The following CACNB4 variants were observed in gnomAD, a reference collection of about 807,000 sequenced individuals.
CACNB4 encodes the protein calcium voltage-gated channel auxiliary subunit beta 4, also known as voltage-dependent L-type calcium channel subunit beta-4.
CACNB4 carries 32 observed loss-of-function variants against 71.2 expected under a neutral mutation model. That is an observed-to-expected ratio of 0.45 (90% CI 0.34 to 0.60). CACNB4 has a LOEUF of 0.60. CACNB4 is among the 20% of genes least tolerant of loss of function. CACNB4 has a pLI of 0.01. For missense variants in CACNB4, 464 were observed against 647.9 expected (o/e 0.72, Z 3.08); for synonymous variants, 231 against 236.9 (o/e 0.97, Z 0.23).
chr2:151,894,688 A>G (rs1482722884), intron 2 of CACNB4, among the ~76,000 whole-genome samples: 1 of 152,306 alleles, frequency 6.6e-6, no homozygotes, highest in East Asian at 1.9e-4. Context: ...AACTCTTAGA[A>G]CTGATAAACA....
rs70974815 is a variant in CACNB4, at chr2:151,998,315, C to CAAAAA, written c.147+100010_147+100014dup. ...AATCCAGCCTGGGCAACTCCATCTC[C>CAAAAA]AAAAAAAAAAAAAAAAAAAAAAAAA... On this transcript the variant is annotated intron_variant, in intron 2 of 13. Transcript: ENST00000539935. Among the ~76,000 whole-genome samples the CAAAAA allele has an allele frequency of 1.3e-4, 14 of 110,720 alleles. 1 individual carries two copies. The highest frequency in any genetic ancestry group is 5.6e-4 in the African/African-American group (14 of 24,948). 72.6% of individuals were successfully genotyped at this position (110,720 alleles called of 152,430 possible). A position where few individuals can be genotyped will look rare whatever the true frequency, so the allele number is the denominator to read the frequency against.
intron 2 of CACNB4, among the ~76,000 whole-genome samples, chr2:151,923,629 G>A (rs1162534886): frequency 6.6e-6 from 1 of 152,190 alleles, no homozygotes; most frequent in African/African-American, 2.4e-5. Flanking sequence ...ATTTCAGACT[G>A]GCCTACAGAA....
At chr2:151,921,138 AAAAT>A (rs70974809) in intron 2 of CACNB4, among the ~76,000 whole-genome samples, 58,008 of 137,042 alleles carry the variant, frequency 0.42, 14,698 homozygotes, top group Non-Finnish European at 0.58. Context: ...CTCCGTCTCA[AAAAT>A]AAATAAATAA....
intron 2 of CACNB4, among the ~76,000 whole-genome samples, chr2:151,892,829 C>A (rs763214514): frequency 6.6e-6 from 1 of 152,116 alleles, no homozygotes; most frequent in African/African-American, 2.4e-5. Flanking sequence ...ATGGAGACCC[C>A]AATACTGCCC....
intron 2 of CACNB4, among the ~76,000 whole-genome samples, chr2:151,980,286 T>C (rs777214348): frequency 1.4e-4 from 21 of 152,154 alleles, no homozygotes; most frequent in Non-Finnish European, 2.8e-4. Context: ...AGGTCTAGTG[T>C]GTAGTGTGGC....
In CACNB4 at chr2:152,016,501, T is replaced by A. The variant is rs542057598; in HGVS notation, c.147+81829A>T. ...AACAAAGCCACTACTCTGGTTTGAA[T>A]CCTTTGATGAGTCTCATCGTTTGAG... On this transcript the variant is annotated intron_variant, in intron 2 of 13. Coordinates refer to ENST00000539935, the MANE Select transcript of CACNB4 (RefSeq NM_000726.5). Among the ~76,000 whole-genome samples, 9 of 152,328 alleles carry A rather than the reference T, an allele frequency of 5.9e-5. No homozygotes were observed. In the South Asian group the frequency reaches 1.9e-3, roughly 32 times the overall value.
chr2:152,093,398 T>G (rs895110618), intron 2 of CACNB4, among the ~76,000 whole-genome samples: 1 of 137,480 alleles, frequency 7.3e-6, no homozygotes, highest in African/African-American at 3.2e-5. Flanking sequence ...TTGCTGTTTT[T>G]TGGTGTGTGT....
intron 9 of CACNB4, among the ~76,000 whole-genome samples, chr2:151,865,500 T>G (rs949977863): frequency 1.3e-5 from 2 of 152,236 alleles, no homozygotes; most frequent in African/African-American, 2.4e-5. Flanking sequence ...AACAACTTTT[T>G]GGGGGATTTG....
chr2:151,973,706 T>C, intron 2 of CACNB4: 1 of 1,613,538 alleles, frequency 6.2e-7, no homozygotes, highest in African/African-American at 1.3e-5. Flanking sequence ...GTACAAATTG[T>C]CATACATGGA....
chr2:151,906,480 G>T (rs2099854847), intron 2 of CACNB4, among the ~76,000 whole-genome samples: 1 of 152,158 alleles, frequency 6.6e-6, no homozygotes, highest in Admixed American at 6.5e-5. Flanking sequence ...CCTAAGAGCA[G>T]TTACTCTATC....
chr2:151,932,889 G>A (rs1169807538), intron 2 of CACNB4, among the ~76,000 whole-genome samples: 2 of 151,220 alleles, frequency 1.3e-5, no homozygotes, highest in Non-Finnish European at 1.5e-5. Context: ...ACACTAGAGG[G>A]AAGAGAATGT....
At chr2:152,061,405 C>A (rs940285203) in intron 2 of CACNB4, among the ~76,000 whole-genome samples, 2 of 152,006 alleles carry the variant, frequency 1.3e-5, no homozygotes, top group African/African-American at 2.4e-5. Context: ...CAAATGATTA[C>A]TAATTGAATA....
intron 2 of CACNB4, among the ~76,000 whole-genome samples, chr2:152,065,724 T>C (rs1210686441): frequency 2.0e-5 from 3 of 152,168 alleles, no homozygotes; most frequent in African/African-American, 7.2e-5. Context: ...CTATATGTCC[T>C]CACATTAAGC....
rs1190314459 is a variant in CACNB4 at position 151,893,728 on chromosome 2, T to C, written c.148-10358A>G. Among the ~76,000 whole-genome samples the C allele has an allele frequency of 2.0e-5, 3 of 152,058 alleles. No homozygotes were observed. The East Asian group carries it at 5.8e-4, about 29-fold the overall frequency. ...AGAAGCCATGAAAAGAAAAGATTGA[T>C]AAATCTGACTACATAAAAATCTTAA... is the stretch of plus-strand genomic sequence containing the variant. On this transcript the variant is annotated intron_variant, in intron 2 of 13. Transcript: ENST00000539935.
intron 2 of CACNB4, among the ~76,000 whole-genome samples, chr2:151,943,385 G>T (rs926975562): frequency 1.3e-5 from 2 of 152,188 alleles, no homozygotes; most frequent in African/African-American, 2.4e-5. Flanking sequence ...CAAATTTAGG[G>T]TTGACCATGA....
intron 2 of CACNB4, among the ~76,000 whole-genome samples, chr2:151,949,580 T>C (rs1238724248): frequency 1.3e-5 from 2 of 152,166 alleles, no homozygotes; most frequent in South Asian, 2.1e-4. Flanking sequence ...GTGGCTGATA[T>C]GCAAGGATGG....
chr2:151,952,044 T>C (rs1166751729), intron 2 of CACNB4, among the ~76,000 whole-genome samples: 1 of 152,174 alleles, frequency 6.6e-6, no homozygotes, highest in Non-Finnish European at 1.5e-5. Context: ...ACAGGGATAA[T>C]AACACCTACC....
At chr2:152,061,828 A>G (rs1332699036) in intron 2 of CACNB4, among the ~76,000 whole-genome samples, 1 of 151,916 alleles carries the variant, frequency 6.6e-6, no homozygotes. Context: ...TCTGGCCAAC[A>G]TGGTGAAACC....
chr2:152,033,648 C>T (rs1187037825), intron 2 of CACNB4, among the ~76,000 whole-genome samples: 2 of 152,100 alleles, frequency 1.3e-5, no homozygotes, highest in African/African-American at 2.4e-5. Flanking sequence ...TCTCAAAGGA[C>T]GTAGGAGCCA....
Sources: gnomAD v4.1 joint callset for allele counts (sites outside exome capture counted in the v4.1 genomes callset) on GRCh38, gnomAD v4.1.1 for gene constraint, MANE v1.5 for transcripts, NCBI Gene and HGNC (gene_info 2026-07-23, HGNC 2026-07-21) for gene names.